TDRD9: variants seen among roughly 807,000 people sequenced by gnomAD.
TDRD9 encodes the protein tudor domain containing 9.
A neutral mutation model predicts 172.6 loss-of-function variants in TDRD9; 124 were observed. The observed-to-expected ratio is 0.72, with a 90% CI of 0.62 to 0.83. TDRD9 has a LOEUF of 0.83. Among genes scored for constraint, TDRD9 ranks in the 40% least tolerant of loss-of-function variants. The pLI is 0.00. For missense variants in TDRD9, 1,479 were observed against 1,714.1 expected (o/e 0.86, Z 2.42); for synonymous variants, 619 against 617.1 (o/e 1.00, Z -0.05).
chr14:104,040,415 T>C, intron 33 of TDRD9, 81 bp downstream of exon 33: 2 of 1,357,308 alleles, frequency 1.5e-6, no homozygotes, highest in Admixed American at 2.7e-5. Context: ...CAGGGTCTGC[T>C]GTGGAGCTCG....
chr14:103,962,845 T>G (rs1418744885), intron 2 of TDRD9, among the ~76,000 whole-genome samples: 1 of 152,220 alleles, frequency 6.6e-6, no homozygotes, highest in Non-Finnish European at 1.5e-5. Context: ...TATTCCATGG[T>G]GTATATGTAC....
At chr14:103,937,646 A>T (rs1156386250) in intron 1 of TDRD9, among the ~76,000 whole-genome samples, 1 of 152,130 alleles carries the variant, frequency 6.6e-6, no homozygotes, top group Non-Finnish European at 1.5e-5. Flanking sequence ...GACCAGAATG[A>T]TTCTGAGATT....
Position 104,009,508 on chromosome 14 carries a change from G to A in TDRD9, c.2106+1042G>A, listed in dbSNP as rs528703167. On this transcript the variant is annotated intron_variant, in intron 20 of 35. Transcript: ENST00000409874. ...CTGGGTGAGTCAGTGAGTGAGTGGTGAGGGAATGTGAAGGCCCAGGACACC... is the reference window on the plus strand; with the variant it reads ...CTGGGTGAGTCAGTGAGTGAGTGGTAAGGGAATGTGAAGGCCCAGGACACC... Among the ~76,000 whole-genome samples, 6 of 152,328 alleles carry A rather than the reference G, an allele frequency of 3.9e-5. No individual in the cohort carries two copies. The East Asian group carries it at 1.2e-3, about 29-fold the overall frequency.
In TDRD9 at chr14:103,962,965, A is replaced by T. The variant is rs200242368; in HGVS notation, c.323-114A>T. 13 of 404,640 alleles carry T rather than the reference A, an allele frequency of 3.2e-5. 1 individual carries two copies. The highest frequency in any genetic ancestry group is 1.2e-3 in the Middle Eastern group (2 of 1,722). 25.1% of individuals were successfully genotyped at this position (404,640 alleles called of 1,614,324 possible). On this transcript the variant is annotated intron_variant, in intron 2 of 35. Transcript: ENST00000409874. The stretch of plus-strand genomic sequence containing the variant: ...TGTAGAAAATGTATTTTTGTATTTG[A>T]GTGTGTGTGTGTGTGTGTGTGTGTG...
Position 103,980,481 on chromosome 14 carries a change from T to A in TDRD9, c.1011+4928T>A, listed in dbSNP as rs2033429383. On this transcript the variant is annotated intron_variant, in intron 7 of 35. Transcript: ENST00000409874. This position sits in a 1 kb window ranked among gnomAD's most constrained non-coding sequence, Gnocchi z 4.5. ...TGCTTATCAGAGACTTTTAGTACTT[T>A]CACTAACTTGCCACTGCTATCTAAA... 6.6e-6 allele frequency among the ~76,000 whole-genome samples: 1 copy of A among 152,162 alleles called. No homozygotes were observed. Among genetic ancestry groups the A allele is most frequent in the Non-Finnish European group, 1.5e-5 (1 of 68,022 alleles).
chr14:103,981,315 C>T (rs941669634), intron 7 of TDRD9, among the ~76,000 whole-genome samples: 2 of 152,206 alleles, frequency 1.3e-5, no homozygotes, highest in Non-Finnish European at 2.9e-5. Context: ...TCTGTCAGAG[C>T]TCACAACACT....
At chr14:104,020,585 T>G (rs1208306464) in intron 23 of TDRD9, among the ~76,000 whole-genome samples, 1 of 151,960 alleles carries the variant, frequency 6.6e-6, no homozygotes, top group Non-Finnish European at 1.5e-5. Flanking sequence ...GGAAGGAAAA[T>G]GCGTGCATTT....
At chr14:103,940,722 A>G in intron 1 of TDRD9, 1 of 935,852 alleles carries the variant, frequency 1.1e-6, no homozygotes, top group Admixed American at 2.6e-5. Flanking sequence ...TAACAAAGAA[A>G]AACTTGAAGT....
At chr14:103,931,487 G>A (rs529506996) in intron 1 of TDRD9, among the ~76,000 whole-genome samples, 11 of 152,258 alleles carry the variant, frequency 7.2e-5, no homozygotes, top group Non-Finnish European at 1.5e-4. Flanking sequence ...TTTCCAGCAC[G>A]TAGCAGGCAC....
chr14:103,964,226 G>A (rs2032636730), intron 3 of TDRD9, among the ~76,000 whole-genome samples: 1 of 152,138 alleles, frequency 6.6e-6, no homozygotes, highest in Non-Finnish European at 1.5e-5. Context: ...CTGGGTGACA[G>A]AGCTAGAGCC....
Position 103,933,700 on chromosome 14 carries a change from A to G in TDRD9, c.215+4976A>G, listed in dbSNP as rs547131204. On this transcript the variant is annotated intron_variant, in intron 1 of 35. Transcript: ENST00000409874. ...TGGGATTACAGGTGTGAGCCACCGC[A>G]TCTGGCCCAGGTCCCTAAGTCTTGG... Among the ~76,000 whole-genome samples, 172 of 152,012 alleles carry G rather than the reference A, an allele frequency of 1.1e-3. 1 individual carries two copies. The highest frequency in any genetic ancestry group is 3.8e-3 in the African/African-American group (159 of 41,432).
rs1173299955 is a variant in TDRD9, at chr14:103,998,736, A to G, written c.1483+8A>G. The G allele has an allele frequency of 2.8e-6, 4 of 1,440,714 alleles. No homozygotes were observed. Among genetic ancestry groups the G allele is most frequent in the Admixed American group, 3.4e-5 (2 of 59,248 alleles). The allele number at this position is 1,440,714 out of a possible 1,614,324, so 89.2% of individuals were successfully genotyped here. On this transcript the variant is annotated splice_region_variant and intron_variant, in intron 13 of 35. Coordinates refer to ENST00000409874, the MANE Select transcript of TDRD9 (RefSeq NM_153046.3). Reference sequence around the variant, plus strand: ...GCTGTAATCAGAGAAAAGGTAAGACATTTGTGTTAAAGCACAATAATGAGT... The same window carrying G: ...GCTGTAATCAGAGAAAAGGTAAGACGTTTGTGTTAAAGCACAATAATGAGT...
At chr14:103,983,189 G>C (rs1473177914) in intron 7 of TDRD9, among the ~76,000 whole-genome samples, 3 of 143,784 alleles carry the variant, frequency 2.1e-5, no homozygotes, top group Non-Finnish European at 4.5e-5. Context: ...TCAGTCTCCC[G>C]AGTAGCTGGG....
intron 23 of TDRD9, among the ~76,000 whole-genome samples, chr14:104,020,366 A>T (rs114689190): frequency 6.6e-6 from 1 of 152,084 alleles, no homozygotes; most frequent in Non-Finnish European, 1.5e-5. Context: ...GGGAAGGAGG[A>T]TGTCTTGGAT....
intron 1 of TDRD9, among the ~76,000 whole-genome samples, chr14:103,930,005 T>C (rs145505505): frequency 6.6e-6 from 1 of 152,234 alleles, no homozygotes; most frequent in East Asian, 1.9e-4. Flanking sequence ...AAAGCAAGAG[T>C]ATATCCTCTG....
intron 28 of TDRD9, 98 bp downstream of exon 28, chr14:104,027,037 AGT>A (rs1470432183): frequency 3.8e-6 from 5 of 1,316,882 alleles, no homozygotes; most frequent in Non-Finnish European, 5.2e-6. Context: ...GGAGGCGGAC[AGT>A]GTTCCTCTTC....
chr14:103,970,485 G>A, intron 5 of TDRD9, 56 bp from the exon 6 acceptor site: 1 of 1,294,308 alleles, frequency 7.7e-7, no homozygotes, highest in Non-Finnish European at 1.1e-6. Flanking sequence ...TCTGTCAGCA[G>A]TGTCATGTGT....
At chr14:103,966,194 G>A (rs1315773222) in intron 4 of TDRD9, among the ~76,000 whole-genome samples, 1 of 151,890 alleles carries the variant, frequency 6.6e-6, no homozygotes, top group Non-Finnish European at 1.5e-5. Flanking sequence ...AGCCAGGCAT[G>A]ATGGCACATG....
intron 28 of TDRD9, among the ~76,000 whole-genome samples, chr14:104,028,179 C>A (rs899884333): frequency 6.6e-6 from 1 of 152,138 alleles, no homozygotes; most frequent in Non-Finnish European, 1.5e-5. Context: ...CTCTGATGTA[C>A]TGATTTCCTT....
Sources: allele counts gnomAD v4.1 joint callset (sites outside exome capture counted in the v4.1 genomes callset), GRCh38; gene constraint gnomAD v4.1.1; non-coding constraint Gnocchi (gnomAD v3.1); transcripts MANE v1.5; gene names NCBI Gene and HGNC (gene_info 2026-07-23, HGNC 2026-07-21).